Variants in SCFD2 observed in about 807,000 individuals in gnomAD.
SCFD2 encodes the protein sec1 family domain containing 2.
In SCFD2, 54 loss-of-function variants were observed where a neutral mutation model predicts 58.9. That is an observed-to-expected ratio of 0.92 (90% confidence interval 0.74 to 1.15). The LOEUF is 1.15. Among genes scored for constraint, SCFD2 ranks in the 50% most tolerant of loss-of-function variants. The pLI is 0.00. For missense variants in SCFD2, 805 were observed against 836.6 expected, an observed-to-expected ratio of 0.96 and a Z score of 0.47; for synonymous variants, 321 against 335.9, an observed-to-expected ratio of 0.96 and a Z score of 0.49.
chr4:53,338,588 T>TTTTTTTTTTTTTTG (rs1733756503), intron 2 of SCFD2, among the ~76,000 whole-genome samples: 1 of 84,530 alleles, frequency 1.2e-5, no homozygotes, highest in Non-Finnish European at 2.6e-5. Context: ...TTTTTTTTTT[T>TTTTTTTTTTTTTTG]TTTTTTTTGT....
chr4:53,338,162 A>T (rs1733739853), intron 2 of SCFD2, among the ~76,000 whole-genome samples: 2 of 152,252 alleles, frequency 1.3e-5, no homozygotes, highest in Admixed American at 1.3e-4. Flanking sequence ...GACTTCTGAC[A>T]TCCAGAACAC....
chr4:53,186,267 A>T (rs76806439), intron 4 of SCFD2, among the ~76,000 whole-genome samples: 3,215 of 152,178 alleles, frequency 0.021, 127 homozygotes, highest in African/African-American at 0.073. Flanking sequence ...TTCATATTAT[A>T]TTCTACCTCC....
chr4:53,173,440 T>C (rs1159724155), intron 4 of SCFD2, among the ~76,000 whole-genome samples: 1 of 152,070 alleles, frequency 6.6e-6, no homozygotes, highest in Non-Finnish European at 1.5e-5. Context: ...AATATCTTTT[T>C]CCATCCCTTC....
chr4:52,963,750 C>T (rs1016299303), intron 5 of SCFD2, among the ~76,000 whole-genome samples: 1 of 152,184 alleles, frequency 6.6e-6, no homozygotes, highest in Non-Finnish European at 1.5e-5. Flanking sequence ...CAACAGCCTA[C>T]ATCTTTCTCT....
intron 2 of SCFD2, among the ~76,000 whole-genome samples, chr4:53,316,500 T>C (rs1343118312): frequency 6.6e-6 from 1 of 152,232 alleles, no homozygotes; most frequent in Non-Finnish European, 1.5e-5. Context: ...TGATTCACAA[T>C]AAATGTAAGT....
chr4:53,124,420 T>A (rs547768571), intron 5 of SCFD2, among the ~76,000 whole-genome samples: 1 of 152,160 alleles, frequency 6.6e-6, no homozygotes, highest in Non-Finnish European at 1.5e-5. Context: ...GTCCTTCTCT[T>A]GTGAAGTTAT....
chr4:53,230,177 T>G (rs909133663), intron 4 of SCFD2, among the ~76,000 whole-genome samples: 1 of 152,050 alleles, frequency 6.6e-6, no homozygotes, highest in African/African-American at 2.4e-5. Flanking sequence ...GTTGGTGGGA[T>G]TGTAAACTAG....
chr4:53,149,721 C>A (rs1726451184), intron 4 of SCFD2, among the ~76,000 whole-genome samples: 1 of 152,100 alleles, frequency 6.6e-6, no homozygotes, highest in Non-Finnish European at 1.5e-5. Context: ...TGCCATCTTC[C>A]CTCATGTGAT....
chr4:53,024,714 T>C (rs529944071), intron 5 of SCFD2, among the ~76,000 whole-genome samples: 1 of 151,908 alleles, frequency 6.6e-6, no homozygotes, highest in East Asian at 1.9e-4. Context: ...CTTTTTTTTT[T>C]TTTGCCTTCA....
At chr4:52,962,154 T>A (rs1720867140) in intron 5 of SCFD2, among the ~76,000 whole-genome samples, 1 of 152,190 alleles carries the variant, frequency 6.6e-6, no homozygotes, top group African/African-American at 2.4e-5. Context: ...TTCTTTAATC[T>A]CCCTGCATAT....
At chr4:53,011,971 A>G (rs1722102464) in intron 5 of SCFD2, among the ~76,000 whole-genome samples, 1 of 151,134 alleles carries the variant, frequency 6.6e-6, no homozygotes, top group South Asian at 2.1e-4. Context: ...TTCATTGAGA[A>G]TAAGTAATTT....
At chr4:53,073,116 G>C (rs1210990680) in intron 5 of SCFD2, among the ~76,000 whole-genome samples, 2 of 151,874 alleles carry the variant, frequency 1.3e-5, no homozygotes, top group Non-Finnish European at 2.9e-5. Flanking sequence ...AAATCATATA[G>C]TTTAACTATT....
At chr4:53,210,119 G>C (rs1393525228) in intron 4 of SCFD2, among the ~76,000 whole-genome samples, 1 of 151,976 alleles carries the variant, frequency 6.6e-6, no homozygotes, top group Non-Finnish European at 1.5e-5. Flanking sequence ...ATGATACCTT[G>C]AGCCAAAGAA....
chr4:53,117,863 T>C (rs1725370038), intron 5 of SCFD2, among the ~76,000 whole-genome samples: 2 of 152,202 alleles, frequency 1.3e-5, no homozygotes, highest in Admixed American at 1.3e-4. Flanking sequence ...GGTAATCAGC[T>C]AGATTCATTT....
chr4:52,912,411 T>A (rs1420739072), intron 6 of SCFD2, among the ~76,000 whole-genome samples: 1 of 152,160 alleles, frequency 6.6e-6, no homozygotes, highest in Non-Finnish European at 1.5e-5. Context: ...TTTTTAGAAC[T>A]TTTTTCTTTA....
At chr4:52,955,265 C>A (rs1720684905) in intron 5 of SCFD2, among the ~76,000 whole-genome samples, 1 of 152,130 alleles carries the variant, frequency 6.6e-6, no homozygotes, top group South Asian at 2.1e-4. Context: ...AGAGGTCATC[C>A]CAGCATCTTT....
intron 5 of SCFD2, among the ~76,000 whole-genome samples, chr4:53,052,624 C>T (rs566954050): frequency 6.6e-6 from 1 of 152,314 alleles, no homozygotes; most frequent in East Asian, 1.9e-4. Context: ...GACAGTGGGG[C>T]AGTCTTCAAC....
chr4:53,084,666 C>T (rs896203003), intron 5 of SCFD2, among the ~76,000 whole-genome samples: 2 of 152,148 alleles, frequency 1.3e-5, no homozygotes, highest in African/African-American at 2.4e-5. Flanking sequence ...TCCCTCCGTT[C>T]GGGGTCCCTG....
intron 4 of SCFD2, among the ~76,000 whole-genome samples, chr4:53,205,082 A>C (rs1463870183): frequency 6.6e-6 from 1 of 152,074 alleles, no homozygotes; most frequent in Non-Finnish European, 1.5e-5. Context: ...GAGGGAAAAA[A>C]GTTGTAAGCG....
Sources: allele counts gnomAD v4.1 joint callset (sites outside exome capture counted in the v4.1 genomes callset), GRCh38; gene constraint gnomAD v4.1.1; transcripts MANE v1.5; gene names NCBI Gene and HGNC (gene_info 2026-07-23, HGNC 2026-07-21).